DST: variants seen among roughly 807,000 people sequenced by gnomAD.
DST encodes bullous pemphigoid antigen.
A neutral mutation model predicts 875.2 loss-of-function variants in DST; 253 were observed. The ratio of observed to expected loss-of-function variants is 0.29; its 90% CI spans 0.26 to 0.32. DST has a LOEUF of 0.32. DST is among the 10% of genes least tolerant of loss of function. The probability of loss-of-function intolerance (pLI) is 1.00; values close to 1 mark genes in which losing one functional copy is unlikely to be tolerated. For synonymous variants in DST, 3,124 were observed against 3,197.1 expected (o/e 0.98, Z 0.77); for missense variants, 8,287 against 9,111.6 (o/e 0.91, Z 3.68).
chr6:56,655,665 T>C (rs2099003555), intron 10 of DST, among the ~76,000 whole-genome samples: 1 of 152,144 alleles, frequency 6.6e-6, no homozygotes, highest in African/African-American at 2.4e-5. Flanking sequence ...CATTTCCCAG[T>C]ACAAAAACAG....
intron 49 of DST, among the ~76,000 whole-genome samples, chr6:56,584,448 C>T (rs1050081698): frequency 6.6e-6 from 1 of 151,344 alleles, no homozygotes; most frequent in African/African-American, 2.5e-5. Flanking sequence ...GATTTTGTAT[C>T]CTGAGACTTT....
chr6:56,633,188 T>G (rs2098795561), intron 27 of DST, 151 bp from the exon 28 acceptor site: 1 of 700,704 alleles, frequency 1.4e-6, no homozygotes. Flanking sequence ...ATTAACAATT[T>G]TAGGTGGTTT....
At chr6:56,459,568 G>T (rs2094215438) in intron 103 of DST, among the ~76,000 whole-genome samples, 1 of 152,182 alleles carries the variant, frequency 6.6e-6, no homozygotes, top group African/African-American at 2.4e-5. Context: ...CTTTAAGATT[G>T]TGCTTTCTAA....
At position 56,854,973 on chromosome 6, in the gene DST, T is replaced by C. The variant is rs567196728; in HGVS notation, c.418-3369A>G. On this transcript the variant is annotated intron_variant, in intron 3 of 103. Coordinates refer to ENST00000680361, the MANE Select transcript of DST (RefSeq NM_001374736.1). ...TGGCATGTATGCTGAAAACAAGAGATACATGAAAGAGCTGTGGAGTAACCA... is the reference window on the plus strand; with the variant it reads ...TGGCATGTATGCTGAAAACAAGAGACACATGAAAGAGCTGTGGAGTAACCA... Among the ~76,000 whole-genome samples, 4 of 152,286 alleles carry C rather than the reference T, an allele frequency of 2.6e-5. No homozygotes were observed. The East Asian group carries it at 5.8e-4, about 22-fold the overall frequency.
chr6:56,843,063 C>T (rs1300744077), intron 4 of DST: 1 of 1,523,448 alleles, frequency 6.6e-7, no homozygotes, highest in Non-Finnish European at 8.9e-7. Flanking sequence ...ACCTTTGTAC[C>T]TCTCCAGGAC....
chr6:56,881,341 G>C (rs867876798), intron 3 of DST, among the ~76,000 whole-genome samples: 3 of 151,848 alleles, frequency 2.0e-5, no homozygotes, highest in African/African-American at 4.8e-5. Context: ...GGCTTGGTGA[G>C]ACATGCCTGT....
At chr6:56,923,897 G>A (rs1395767921) in intron 2 of DST, among the ~76,000 whole-genome samples, 6 of 152,150 alleles carry the variant, frequency 3.9e-5, no homozygotes, top group African/African-American at 1.2e-4. Context: ...GCTGAGGCGG[G>A]AGGATCACTT....
intron 36 of DST, chr6:56,620,125 C>T (rs2098674719): frequency 6.2e-7 from 1 of 1,613,470 alleles, no homozygotes; most frequent in Admixed American, 1.7e-5. Context: ...TCTCTGCTAC[C>T]TGTTTCTGAA....
intron 102 of DST, chr6:56,461,332 T>G (rs2094319737): frequency 6.6e-6 from 1 of 152,232 alleles, no homozygotes. Context: ...CAATTAATCC[T>G]CACACTCACC....
intron 4 of DST, among the ~76,000 whole-genome samples, chr6:56,760,087 A>C (rs1212826304): frequency 1.3e-5 from 2 of 152,246 alleles, no homozygotes; most frequent in African/African-American, 4.8e-5. Flanking sequence ...CAAAAAAGAA[A>C]ATAACTTTGA....
intron 88 of DST, among the ~76,000 whole-genome samples, chr6:56,483,263 G>C (rs2095456152): frequency 6.6e-6 from 1 of 152,020 alleles, no homozygotes; most frequent in African/African-American, 2.4e-5. Flanking sequence ...CAAATCACTA[G>C]TGTGAATGTC....
Position 56,609,098 on chromosome 6 carries a change from T to A in DST, c.5530A>T (p.Ile1844Phe), listed in dbSNP as rs1449612468. The change falls in exon 40 of 104, where the codon ATT becomes TTT. Residue 1844 changes from isoleucine to phenylalanine, a missense_variant. Around this residue, in one of 10 missense-constraint regions of DST, gnomAD observed 3,138 missense variants for 3,116.6 expected, o/e 1.01. Coordinates refer to ENST00000680361, the MANE Select transcript of DST (RefSeq NM_001374736.1). ...GTGGTAGGTGACGCAGCAGAAATAA[T>A]CTCCTTAGCTTTACTTAGTTCTTTG... ...QLKELSKAKEIISAASPTTIP... is the reference protein window; with the variant it reads ...QLKELSKAKEFISAASPTTIP... The A allele has an allele frequency of 6.2e-7, 1 of 1,613,796 alleles. No homozygotes were observed. Among genetic ancestry groups the A allele is most frequent in the Admixed American group, 1.7e-5 (1 of 59,984 alleles).
chr6:56,882,616 C>T (rs1194847139), intron 3 of DST, among the ~76,000 whole-genome samples: 1 of 152,144 alleles, frequency 6.6e-6, no homozygotes, highest in Non-Finnish European at 1.5e-5. Context: ...AAGCTATCTC[C>T]TGAGCAGAGA....
At chr6:56,825,518 A>AAG (rs2099779369) in intron 4 of DST, among the ~76,000 whole-genome samples, 1 of 151,246 alleles carries the variant, frequency 6.6e-6, no homozygotes, top group African/African-American at 2.4e-5. Context: ...AAAAAAAAAA[A>AAG]AAAAAAAATT....
intron 47 of DST, 141 bp downstream of exon 47, chr6:56,597,594 CATAAT>C: frequency 1.3e-6 from 1 of 745,646 alleles, no homozygotes; most frequent in Admixed American, 3.1e-5. Flanking sequence ...TTAGAACTCT[CATAAT>C]AATTTATATC....
At chr6:56,633,349 C>T (rs2098798571) in intron 27 of DST, among the ~76,000 whole-genome samples, 1 of 149,826 alleles carries the variant, frequency 6.7e-6, no homozygotes, top group Non-Finnish European at 1.5e-5. Context: ...GCCTCAGCCT[C>T]CCAAGTAGCT....
intron 49 of DST, among the ~76,000 whole-genome samples, chr6:56,585,610 C>T (rs1439879770): frequency 4.6e-5 from 7 of 151,970 alleles, no homozygotes; most frequent in African/African-American, 1.2e-4. Context: ...TCTGCTCTGA[C>T]TTTCGTTATT....
rs1379696319 is a variant in DST, at chr6:56,608,639, T to A, written c.5989A>T (p.Ile1997Phe). 1 of 1,613,316 alleles carries A rather than the reference T, an allele frequency of 6.2e-7. No individual in the cohort carries two copies. Reference sequence around the variant, plus strand: ...ATTCTTTGGCCAGAGTTGGAATTGATCAGACCTCCAGAAAGAAGCTGTGCA... The same window carrying A: ...ATTCTTTGGCCAGAGTTGGAATTGAACAGACCTCCAGAAAGAAGCTGTGCA... ...LSAQLLSGGLINSNSGQRMTV... is the reference protein window; with the variant it reads ...LSAQLLSGGLFNSNSGQRMTV... Residue 1997 changes from isoleucine (I) to phenylalanine (F), a missense_variant, in exon 40 of 104, where the codon ATC becomes TTC. By Grantham distance (21) the Ile-to-Phe change is conservative. Transcript: ENST00000680361.
At chr6:56,776,758 C>T (rs1024479125) in intron 4 of DST, among the ~76,000 whole-genome samples, 1 of 152,150 alleles carries the variant, frequency 6.6e-6, no homozygotes, top group African/African-American at 2.4e-5. Context: ...GCAAACTCTA[C>T]ACCTAAATTA....
Sources: gnomAD v4.1 joint callset for allele counts (sites outside exome capture counted in the v4.1 genomes callset) on GRCh38, gnomAD v4.1.1 for gene constraint, gnomAD v4.1.1 regional missense constraint, MANE v1.5 for transcripts, NCBI Gene and HGNC (gene_info 2026-07-23, HGNC 2026-07-21) for gene names.